The following NRG3 variants were observed in gnomAD, a reference collection of about 807,000 sequenced individuals.
NRG3 encodes neuregulin 3, also known as pro-neuregulin-3, membrane-bound isoform.
NRG3 carries 31 observed loss-of-function variants against 66.9 expected under a neutral mutation model. The ratio of observed to expected loss-of-function variants is 0.46; its 90% CI spans 0.35 to 0.63. The LOEUF (loss-of-function observed/expected upper bound fraction) is 0.63. NRG3 is among the 20% of genes least tolerant of loss of function. NRG3 has a pLI of 0.00. For missense variants in NRG3, 910 were observed against 878.9 expected (o/e 1.04, Z -0.45); for synonymous variants, 393 against 359.4 (o/e 1.09, Z -1.06).
At chr10:82,246,685 A>G (rs1158433370) in intron 1 of NRG3, among the ~76,000 whole-genome samples, 2 of 152,174 alleles carry the variant, frequency 1.3e-5, no homozygotes, top group Non-Finnish European at 2.9e-5. Flanking sequence ...GAAAAAAAAG[A>G]ATGGGAAATG....
At chr10:82,286,139 G>A (rs148128418) in intron 1 of NRG3, among the ~76,000 whole-genome samples, 3 of 152,216 alleles carry the variant, frequency 2.0e-5, no homozygotes, top group East Asian at 1.9e-4. Context: ...GGTGAGGAGC[G>A]CAGGTAGGAA....
At chr10:82,866,085 A>G (rs1360021678) in intron 4 of NRG3, among the ~76,000 whole-genome samples, 16 of 152,142 alleles carry the variant, frequency 1.1e-4, no homozygotes, top group Non-Finnish European at 1.8e-4. Context: ...CTCTGAGTCG[A>G]TGGTTATACA....
intron 3 of NRG3, among the ~76,000 whole-genome samples, chr10:82,782,622 A>G (rs2060165305): frequency 6.6e-6 from 1 of 152,090 alleles, no homozygotes; most frequent in Non-Finnish European, 1.5e-5. Context: ...GGCTAGAAGA[A>G]TTTGAATGAG....
At chr10:82,932,223 C>G (rs1847645360) in intron 4 of NRG3, among the ~76,000 whole-genome samples, 3 of 152,160 alleles carry the variant, frequency 2.0e-5, no homozygotes, top group African/African-American at 2.4e-5. Flanking sequence ...CGTAGGACAG[C>G]CTTCTTACTT....
intron 2 of NRG3, among the ~76,000 whole-genome samples, chr10:82,462,657 G>A (rs140925059): frequency 4.4e-3 from 674 of 152,178 alleles, no homozygotes; most frequent in Non-Finnish European, 6.9e-3. Context: ...TGGAGGATGC[G>A]GGGACTGAGA....
rs575936272 is a variant in NRG3, at chr10:82,107,065, G to C, written c.823+230902G>C. Among the ~76,000 whole-genome samples the C allele has an allele frequency of 8.5e-5, 13 of 152,252 alleles. No homozygotes were observed. The South Asian group carries it at 2.3e-3, about 27-fold the overall frequency. On this transcript the variant is annotated intron_variant, in intron 1 of 8. Coordinates refer to ENST00000372141, the MANE Select transcript of NRG3 (RefSeq NM_001010848.4). ...CAAAGCCATACAAAACATTAATACA[G>C]GTGGATAATCTATTATTTGAAATAT...
intron 2 of NRG3, among the ~76,000 whole-genome samples, chr10:82,512,633 T>G (rs1477957805): frequency 6.6e-6 from 1 of 152,190 alleles, no homozygotes; most frequent in Non-Finnish European, 1.5e-5. Context: ...TAAAGTACGC[T>G]CTCAGTAAGT....
intron 2 of NRG3, among the ~76,000 whole-genome samples, chr10:82,397,372 A>G (rs1236367151): frequency 3.3e-5 from 5 of 152,230 alleles, no homozygotes; most frequent in African/African-American, 1.2e-4. Flanking sequence ...TTAGAATACA[A>G]AATGTATACA....
intron 2 of NRG3, among the ~76,000 whole-genome samples, chr10:82,446,587 C>G (rs563175638): frequency 1.3e-5 from 2 of 152,036 alleles, no homozygotes; most frequent in African/African-American, 4.8e-5. Flanking sequence ...CTGAACGATG[C>G]GAACACATGG....
At chr10:81,982,162 C>T (rs866056141) in intron 1 of NRG3, among the ~76,000 whole-genome samples, 5 of 152,160 alleles carry the variant, frequency 3.3e-5, no homozygotes, top group Non-Finnish European at 7.4e-5. Flanking sequence ...ACACTTTGCT[C>T]AGAAATTATT....
At chr10:82,194,538 G>A (rs991194077) in intron 1 of NRG3, among the ~76,000 whole-genome samples, 3 of 151,986 alleles carry the variant, frequency 2.0e-5, no homozygotes, top group Non-Finnish European at 2.9e-5. Context: ...GCATGGATTC[G>A]GGAAGGTCAG....
chr10:82,251,013 T>C (rs886638909), intron 1 of NRG3, among the ~76,000 whole-genome samples: 1 of 152,186 alleles, frequency 6.6e-6, no homozygotes, highest in African/African-American at 2.4e-5. Context: ...TAGTCACCAA[T>C]ACATAAAAAT....
chr10:82,218,575 C>G (rs2075795286), intron 1 of NRG3, among the ~76,000 whole-genome samples: 1 of 152,144 alleles, frequency 6.6e-6, no homozygotes, highest in Non-Finnish European at 1.5e-5. Context: ...TACTCTCATT[C>G]AAGACACTGT....
At chr10:82,746,177 C>T (rs925082560) in intron 3 of NRG3, among the ~76,000 whole-genome samples, 4 of 152,192 alleles carry the variant, frequency 2.6e-5, no homozygotes, top group Admixed American at 1.3e-4. Context: ...CAGGCTTGAG[C>T]CACTGTGCCA....
intron 2 of NRG3, among the ~76,000 whole-genome samples, chr10:82,567,170 T>G (rs922427164): frequency 3.3e-5 from 5 of 152,028 alleles, no homozygotes; most frequent in Admixed American, 1.3e-4. Flanking sequence ...CATATTTCTG[T>G]TTCCTAATAA....
chr10:82,013,748 A>G (rs1009401928), intron 1 of NRG3, among the ~76,000 whole-genome samples: 7 of 152,162 alleles, frequency 4.6e-5, no homozygotes, highest in African/African-American at 1.2e-4. Flanking sequence ...TCACTCTGCT[A>G]TACTACATGC....
intron 1 of NRG3, among the ~76,000 whole-genome samples, chr10:81,911,237 A>G (rs1217718983): frequency 6.6e-6 from 1 of 152,138 alleles, no homozygotes; most frequent in East Asian, 1.9e-4. Flanking sequence ...CAGTTAGTCA[A>G]GTGGAGAATT....
intron 1 of NRG3, among the ~76,000 whole-genome samples, chr10:82,183,202 T>A (rs887196517): frequency 4.6e-5 from 7 of 152,038 alleles, no homozygotes; most frequent in African/African-American, 1.7e-4. Context: ...AGTAATTTTT[T>A]AAATAAACTT....
intron 2 of NRG3, among the ~76,000 whole-genome samples, chr10:82,668,209 G>A (rs970887878): frequency 6.6e-6 from 1 of 151,958 alleles, no homozygotes; most frequent in African/African-American, 2.4e-5. Flanking sequence ...ATGAACTTCT[G>A]GCAGAATGTC....
Sources: gnomAD v4.1 joint callset for allele counts (sites outside exome capture counted in the v4.1 genomes callset) on GRCh38, gnomAD v4.1.1 for gene constraint, MANE v1.5 for transcripts, NCBI Gene and HGNC (gene_info 2026-07-23, HGNC 2026-07-21) for gene names.